TBC1D19: variants seen among roughly 807,000 people sequenced by gnomAD.
The protein encoded by TBC1D19 is TBC1 domain family member 19.
A neutral mutation model predicts 89.0 loss-of-function variants in TBC1D19; 60 were observed. That is an observed-to-expected ratio of 0.67 (90% CI 0.55 to 0.84). The LOEUF is 0.84. Ranked by LOEUF, TBC1D19 falls within the 40% of genes least tolerant of loss-of-function variation. TBC1D19 has a pLI of 0.00. For missense variants in TBC1D19, 500 were observed against 610.8 expected, an observed-to-expected ratio of 0.82 and a Z score of 1.91; for synonymous variants, 189 against 199.7, an observed-to-expected ratio of 0.95 and a Z score of 0.45.
the TBC1D19 span, among the ~76,000 whole-genome samples, chr4:26,769,720 A>AT: frequency 2.3e-4 from 35 of 151,114 alleles, no homozygotes; most frequent in Admixed American, 1.2e-3. Flanking sequence ...TAATTTTTGT[A>AT]TTTTTTTTGC....
intron 1 of TBC1D19, among the ~76,000 whole-genome samples, chr4:26,584,672 C>T (rs939507017): frequency 2.0e-5 from 3 of 152,160 alleles, no homozygotes; most frequent in Non-Finnish European, 4.4e-5. Flanking sequence ...ACCATGCCTT[C>T]CCTCACTTTT....
chr4:26,748,108 A>G (rs1718749134), intron 18 of TBC1D19, among the ~76,000 whole-genome samples: 1 of 152,206 alleles, frequency 6.6e-6, no homozygotes, highest in African/African-American at 2.4e-5. Flanking sequence ...CAGCTCATTG[A>G]TAGCTAAGTA....
At chr4:26,628,588 A>T (rs1742587170) in intron 4 of TBC1D19, among the ~76,000 whole-genome samples, 1 of 152,170 alleles carries the variant, frequency 6.6e-6, no homozygotes, top group African/African-American at 2.4e-5. Context: ...TGCAGATGAC[A>T]TAATTGTATA....
chr4:26,774,107 A>G, the TBC1D19 span, among the ~76,000 whole-genome samples: 1 of 152,100 alleles, frequency 6.6e-6, no homozygotes, highest in South Asian at 2.1e-4. Context: ...ATACACCAGG[A>G]GCCTTTTGGG....
chr4:26,797,035 A>G, the TBC1D19 span, among the ~76,000 whole-genome samples: 4 of 152,216 alleles, frequency 2.6e-5, no homozygotes, highest in Non-Finnish European at 5.9e-5. Flanking sequence ...GTCATAGAGC[A>G]ATCAGGCAAG....
At chr4:26,649,711 C>A in intron 7 of TBC1D19, among the ~76,000 whole-genome samples, 1 of 145,424 alleles carries the variant, frequency 6.9e-6, no homozygotes, top group South Asian at 2.2e-4. Context: ...AACGTTCTAA[C>A]TTTTTTTTTT....
intron 1 of TBC1D19, among the ~76,000 whole-genome samples, chr4:26,602,355 G>A (rs1740665626): frequency 6.6e-6 from 1 of 151,762 alleles, no homozygotes; most frequent in South Asian, 2.1e-4. Context: ...TATACTAATG[G>A]CACAAAAGCA....
At chr4:26,609,604 G>T (rs1741235546) in intron 1 of TBC1D19, among the ~76,000 whole-genome samples, 2 of 152,104 alleles carry the variant, frequency 1.3e-5, no homozygotes, top group Admixed American at 1.3e-4. Context: ...GGTGTGAGAA[G>T]AGGATGTTGT....
At chr4:26,662,607 T>A (rs1745284454) in intron 8 of TBC1D19, among the ~76,000 whole-genome samples, 1 of 151,994 alleles carries the variant, frequency 6.6e-6, no homozygotes. Flanking sequence ...TGAAAGAAGA[T>A]CCCCACCAAG....
At chr4:26,671,600 G>A (rs1049491697) in intron 9 of TBC1D19, among the ~76,000 whole-genome samples, 3 of 151,580 alleles carry the variant, frequency 2.0e-5, no homozygotes, top group African/African-American at 7.3e-5. Context: ...TCTCATCATA[G>A]AATCTTTTAA....
the TBC1D19 span, among the ~76,000 whole-genome samples, chr4:26,812,945 G>T: frequency 6.6e-6 from 1 of 152,096 alleles, no homozygotes; most frequent in African/African-American, 2.4e-5. The surrounding 1 kb of genome is among the most constrained non-coding windows in gnomAD (Gnocchi z 4.2). Context: ...GGCCAGGTGT[G>T]TTGGCTCACA....
At chr4:26,677,408 T>C (rs1184157445) in intron 11 of TBC1D19, among the ~76,000 whole-genome samples, 1 of 151,508 alleles carries the variant, frequency 6.6e-6, no homozygotes, top group Non-Finnish European at 1.5e-5. Context: ...AAGCTCCGCC[T>C]CCCAGGTTCA....
the TBC1D19 span, among the ~76,000 whole-genome samples, chr4:26,785,479 T>G: frequency 6.6e-6 from 1 of 152,196 alleles, no homozygotes; most frequent in Non-Finnish European, 1.5e-5. Flanking sequence ...AAGTTAACTA[T>G]TACTACAATG....
chr4:26,700,973 C>A (rs184187800), intron 13 of TBC1D19, among the ~76,000 whole-genome samples: 2 of 152,162 alleles, frequency 1.3e-5, no homozygotes, highest in African/African-American at 4.8e-5. Flanking sequence ...TCTACATGAC[C>A]CTGCATTACC....
intron 7 of TBC1D19, among the ~76,000 whole-genome samples, chr4:26,646,977 C>T (rs1293205123): frequency 1.3e-5 from 2 of 152,066 alleles, no homozygotes; most frequent in Admixed American, 1.3e-4. Context: ...CATCACATAG[C>T]CTGCTGCCTG....
At chr4:26,583,503 A>G (rs1739195956), upstream of TBC1D19, among the ~76,000 whole-genome samples, 1 of 152,206 alleles carries the variant, frequency 6.6e-6, no homozygotes, top group Admixed American at 6.5e-5. Flanking sequence ...CTTTGCAGAA[A>G]ACCTACAAAT....
chr4:26,597,368 T>A (rs1453541151), intron 1 of TBC1D19, among the ~76,000 whole-genome samples: 1 of 152,102 alleles, frequency 6.6e-6, no homozygotes, highest in Non-Finnish European at 1.5e-5. Context: ...TTTTGTATGG[T>A]GTTATTATAG....
intron 13 of TBC1D19, among the ~76,000 whole-genome samples, chr4:26,688,609 CTTTT>C (rs995267631): frequency 5.3e-5 from 8 of 151,998 alleles, no homozygotes; most frequent in Non-Finnish European, 1.0e-4. Context: ...CCAATTGTTT[CTTTT>C]TGTCATATAT....
At chr4:26,649,787 GT>G (rs1264469992) in intron 7 of TBC1D19, among the ~76,000 whole-genome samples, 2 of 151,476 alleles carry the variant, frequency 1.3e-5, no homozygotes, top group Non-Finnish European at 2.9e-5. Flanking sequence ...ATGTATACAT[GT>G]GCCATGTAGG....
Sources: allele counts gnomAD v4.1 joint callset (sites outside exome capture counted in the v4.1 genomes callset), GRCh38; gene constraint gnomAD v4.1.1; non-coding constraint Gnocchi (gnomAD v3.1); transcripts MANE v1.5; gene names NCBI Gene and HGNC (gene_info 2026-07-23, HGNC 2026-07-21).